Variants in MANBA observed in about 807,000 individuals in gnomAD.
MANBA encodes the protein beta-mannosidase.
A neutral mutation model predicts 111.1 loss-of-function variants in MANBA; 83 were observed. The observed-to-expected ratio is 0.75, with a 90% CI of 0.63 to 0.90. The LOEUF (loss-of-function observed/expected upper bound fraction) is 0.90. Ranked by LOEUF, MANBA falls within the 40% of genes least tolerant of loss-of-function variation. The pLI, the probability that MANBA is intolerant of heterozygous loss-of-function variation, is 0.00. For missense variants in MANBA, 1,036 were observed against 1,069.0 expected (o/e 0.97, Z 0.43); for synonymous variants, 370 against 378.7 (o/e 0.98, Z 0.27).
Position 102,705,268 on chromosome 4 carries a change from A to C in MANBA, c.673+9170T>G, listed in dbSNP as rs528110627. Among the ~76,000 whole-genome samples, 3 of 152,224 alleles carry C rather than the reference A, an allele frequency of 2.0e-5. No homozygotes were observed. In the South Asian group the frequency reaches 6.2e-4, roughly 32 times the overall value. On this transcript the variant is annotated intron_variant, in intron 5 of 16. Transcript: ENST00000647097. ...CACCTCCACCCTCGCAGCCCCCAGG[A>C]CTAGTATAGGGAGCTACAAGATATG...
intron 13 of MANBA, among the ~76,000 whole-genome samples, chr4:102,647,245 C>T (rs1730144009): frequency 6.8e-6 from 1 of 147,396 alleles, no homozygotes; most frequent in African/African-American, 2.5e-5. Flanking sequence ...TCACAGATAG[C>T]ATCTAGTATG....
chr4:102,631,750 C>T lies in MANBA; in HGVS notation c.*307G>A, dbSNP rs1447854070. 6 of 575,728 alleles carry T rather than the reference C, an allele frequency of 1.0e-5. No individual in the cohort carries two copies. The Admixed American group carries it at 1.3e-4, about 12-fold the overall frequency. 35.7% of individuals were successfully genotyped at this position (575,728 alleles called of 1,614,324 possible). On this transcript the variant is annotated 3_prime_UTR_variant, in exon 17 of 17. Transcript: ENST00000647097. ...TGCCATGTCACATTCTTGTAACCAG[C>T]TGCAGGGCCATCTTGTTATAACTGG...
chr4:102,703,015 T>C (rs910000571), intron 5 of MANBA, among the ~76,000 whole-genome samples: 2 of 152,240 alleles, frequency 1.3e-5, no homozygotes, highest in African/African-American at 2.4e-5. Context: ...TACATATATA[T>C]AACAGATGCC....
chr4:102,669,140 C>T, intron 9 of MANBA, 91 bp from the exon 10 acceptor site: 2 of 1,016,068 alleles, frequency 2.0e-6, no homozygotes, highest in Admixed American at 4.0e-5. Flanking sequence ...CATTATCTTT[C>T]ACACAAATGA....
At position 102,671,078 on chromosome 4, in the gene MANBA, G is replaced by A. The variant is rs140028388; in HGVS notation, c.1230+203C>T. The A allele has an allele frequency of 1.3e-4, 65 of 484,676 alleles. 1 individual carries two copies. The East Asian group carries it at 2.5e-3, about 18-fold the overall frequency. 30.0% of individuals were successfully genotyped at this position (484,676 alleles called of 1,614,324 possible). On this transcript the variant is annotated intron_variant, in intron 9 of 16. Transcript: ENST00000647097. ...TATACTGGGATATAAATAATTTACA[G>A]GATATCTATCATTTAAAAATAAATA... is the stretch of plus-strand genomic sequence containing the variant.
chr4:102,694,556 C>T (rs551430425), intron 5 of MANBA, among the ~76,000 whole-genome samples: 2 of 152,194 alleles, frequency 1.3e-5, no homozygotes, highest in Admixed American at 6.5e-5. Flanking sequence ...TAATAAGTCA[C>T]CATGTCTTGA....
At chr4:102,656,751 A>T (rs925344121) in intron 12 of MANBA, among the ~76,000 whole-genome samples, 14 of 151,916 alleles carry the variant, frequency 9.2e-5, no homozygotes, top group African/African-American at 3.4e-4. Flanking sequence ...ATTCAGCAAT[A>T]AAAAAAAGGA....
chr4:102,726,546 A>G, intron 2 of MANBA, 43 bp downstream of exon 2: 1 of 1,064,802 alleles, frequency 9.4e-7, no homozygotes, highest in Non-Finnish European at 1.4e-6. Context: ...AAAAAGAAGA[A>G]AAGTTCAAAT....
intron 1 of MANBA, among the ~76,000 whole-genome samples, chr4:102,735,358 C>T (rs1349180335): frequency 6.6e-6 from 1 of 151,876 alleles, no homozygotes; most frequent in Non-Finnish European, 1.5e-5. Flanking sequence ...TCAAGGTGTG[C>T]CTTTTACTTC....
intron 5 of MANBA, among the ~76,000 whole-genome samples, chr4:102,708,859 T>A (rs1721881769): frequency 6.6e-6 from 1 of 151,600 alleles, no homozygotes; most frequent in South Asian, 2.1e-4. Context: ...TATATTATTA[T>A]ATACAAAATA....
intron 5 of MANBA, among the ~76,000 whole-genome samples, chr4:102,704,768 T>C (rs1005317567): frequency 6.6e-6 from 1 of 151,924 alleles, no homozygotes; most frequent in Non-Finnish European, 1.5e-5. Flanking sequence ...CTCCTAAAGG[T>C]AGAACTCTTT....
intron 12 of MANBA, among the ~76,000 whole-genome samples, chr4:102,657,228 G>GGT: frequency 8.3e-6 from 1 of 120,800 alleles, no homozygotes; most frequent in East Asian, 3.0e-4. Context: ...GGGGTGGGGG[G>GGT]GGGGTGGGCG....
At chr4:102,699,911 T>G (rs945366171) in intron 5 of MANBA, among the ~76,000 whole-genome samples, 3 of 151,480 alleles carry the variant, frequency 2.0e-5, no homozygotes, top group Non-Finnish European at 4.4e-5. Flanking sequence ...TTCTATTGAT[T>G]GGAATAGTTT....
At chr4:102,712,639 C>T (rs1252020659) in intron 5 of MANBA, among the ~76,000 whole-genome samples, 2 of 152,054 alleles carry the variant, frequency 1.3e-5, no homozygotes, top group Non-Finnish European at 2.9e-5. Context: ...CCACCTCAGC[C>T]TCTCGAGTAG....
At chr4:102,703,492 A>C (rs1163242856) in intron 5 of MANBA, among the ~76,000 whole-genome samples, 1 of 152,168 alleles carries the variant, frequency 6.6e-6, no homozygotes, top group East Asian at 1.9e-4. Flanking sequence ...ATTAGCTACA[A>C]GATTAGAAAT....
chr4:102,683,847 T>A (rs1732088313), intron 7 of MANBA, among the ~76,000 whole-genome samples: 1 of 152,236 alleles, frequency 6.6e-6, no homozygotes, highest in Non-Finnish European at 1.5e-5. Flanking sequence ...TTAAATTGCC[T>A]GTTGATATTT....
rs548511716 is a variant in MANBA at position 102,638,808 on chromosome 4, C to A, written c.2014+905G>T. Among the ~76,000 whole-genome samples the A allele has an allele frequency of 3.3e-5, 5 of 152,206 alleles. No homozygotes were observed. In the East Asian group the frequency reaches 9.7e-4, roughly 29 times the overall value. ...TTCTCTGTAAGAGTCATCCATCTGG[C>A]ACTAATGAAAACATGTTTGGAATGA... On this transcript the variant is annotated intron_variant, in intron 14 of 16. Transcript: ENST00000647097.
intron 1 of MANBA, among the ~76,000 whole-genome samples, chr4:102,740,112 A>G (rs917168853): frequency 3.9e-5 from 6 of 152,266 alleles, no homozygotes; most frequent in African/African-American, 1.4e-4. Context: ...TACCAAATCA[A>G]CGTACACAAA....
At chr4:102,663,747 T>G (rs1029937292) in intron 11 of MANBA, among the ~76,000 whole-genome samples, 3 of 152,198 alleles carry the variant, frequency 2.0e-5, no homozygotes, top group Admixed American at 6.5e-5. Context: ...GACACAAAAG[T>G]GTAAAGACAA....
Sources: allele counts gnomAD v4.1 joint callset (sites outside exome capture counted in the v4.1 genomes callset), GRCh38; gene constraint gnomAD v4.1.1; transcripts MANE v1.5; gene names NCBI Gene and HGNC (gene_info 2026-07-23, HGNC 2026-07-21).